The following PPM1H variants were observed in gnomAD, a reference collection of about 807,000 sequenced individuals.
PPM1H encodes protein phosphatase, Mg2+/Mn2+ dependent 1H.
A neutral mutation model predicts 54.9 loss-of-function variants in PPM1H; 27 were observed. The ratio of observed to expected loss-of-function variants is 0.49; its 90% CI spans 0.36 to 0.68. The LOEUF (loss-of-function observed/expected upper bound fraction) is 0.68. Ranked by LOEUF, PPM1H falls within the 30% of genes least tolerant of loss-of-function variation. PPM1H has a pLI of 0.00. For synonymous variants in PPM1H, 305 were observed against 270.8 expected (o/e 1.13, Z -1.24); for missense variants, 596 against 667.8 (o/e 0.89, Z 1.19).
At chr12:62,850,030 A>G (rs893835509) in intron 1 of PPM1H, among the ~76,000 whole-genome samples, 3 of 152,224 alleles carry the variant, frequency 2.0e-5, no homozygotes, top group African/African-American at 7.2e-5. Context: ...GTGTGTGATC[A>G]TGGCTCACTG....
intron 2 of PPM1H, among the ~76,000 whole-genome samples, chr12:62,814,255 T>C (rs1345979350): frequency 1.3e-5 from 2 of 152,126 alleles, no homozygotes; most frequent in Non-Finnish European, 2.9e-5. Flanking sequence ...ATTTTTTATT[T>C]TTATTTTTGT....
In PPM1H at chr12:62,830,534, C is replaced by T. The variant is rs543705588; in HGVS notation, c.411+1580G>A. On this transcript the variant is annotated intron_variant, in intron 2 of 9. Coordinates refer to ENST00000228705, the MANE Select transcript of PPM1H (RefSeq NM_020700.2). ...CCTCCCAAAGTGCTGGGATTACAGG[C>T]GTGAGCCACCGCACCCAGCCTGTTA... 1.6e-4 allele frequency among the ~76,000 whole-genome samples: 25 copies of T among 152,276 alleles called. No individual in the cohort carries two copies. In the East Asian group the frequency reaches 4.6e-3, roughly 28 times the overall value.
At chr12:62,650,703 C>T (rs543332324) in intron 9 of PPM1H, among the ~76,000 whole-genome samples, 1 of 152,156 alleles carries the variant, frequency 6.6e-6, no homozygotes, top group East Asian at 1.9e-4. Context: ...CGAGGCATGT[C>T]TTACATGGCA....
chr12:62,756,829 G>C (rs550557235), intron 4 of PPM1H, among the ~76,000 whole-genome samples: 59 of 152,248 alleles, frequency 3.9e-4, no homozygotes, highest in Middle Eastern at 3.4e-3. Flanking sequence ...GAGAGGGAAA[G>C]AGAAAGCAGG....
chr12:62,779,854 T>C (rs2076631287), intron 4 of PPM1H, among the ~76,000 whole-genome samples: 1 of 152,252 alleles, frequency 6.6e-6, no homozygotes, highest in African/African-American at 2.4e-5. Flanking sequence ...AAAAGTTATC[T>C]TTTCATGTGG....
chr12:62,853,345 A>G (rs1869264664), intron 1 of PPM1H, among the ~76,000 whole-genome samples: 1 of 152,232 alleles, frequency 6.6e-6, no homozygotes, highest in African/African-American at 2.4e-5. Flanking sequence ...CAACACTTCT[A>G]CATGTTTGAA....
chr12:62,917,475 T>A (rs1871660356), intron 1 of PPM1H, among the ~76,000 whole-genome samples: 1 of 152,214 alleles, frequency 6.6e-6, no homozygotes, highest in African/African-American at 2.4e-5. Flanking sequence ...CCTTACAAAT[T>A]ATAATTTGGC....
Position 62,934,428 on chromosome 12 carries a change from G to C in PPM1H, c.245+64C>G. 2 of 1,475,688 alleles carry C rather than the reference G, an allele frequency of 1.4e-6. No individual in the cohort carries two copies. The highest frequency in any genetic ancestry group is 1.8e-6 in the Non-Finnish European group (2 of 1,114,414). 91.4% of individuals were successfully genotyped at this position (1,475,688 alleles called of 1,614,324 possible). On this transcript the variant is annotated intron_variant, in intron 1 of 9. Coordinates refer to ENST00000228705, the MANE Select transcript of PPM1H (RefSeq NM_020700.2). This position sits in a 1 kb window ranked among gnomAD's most constrained non-coding sequence, Gnocchi z 4.2. ...GGCCGAGAAGCAGGGAGAGAAGAGG[G>C]CTGGAACCGTGCGGGGAAGGGCCGC...
chr12:62,726,135 T>C (rs2076288052), intron 5 of PPM1H, among the ~76,000 whole-genome samples: 1 of 152,204 alleles, frequency 6.6e-6, no homozygotes, highest in Admixed American at 6.5e-5. Flanking sequence ...TCAAACCCTA[T>C]GGAGTTAATG....
At chr12:62,805,364 C>T (rs953413662) in intron 2 of PPM1H, among the ~76,000 whole-genome samples, 1 of 152,090 alleles carries the variant, frequency 6.6e-6, no homozygotes, top group Admixed American at 6.5e-5. Context: ...GGTTATATAA[C>T]AAAAGGAAAT....
intron 1 of PPM1H, among the ~76,000 whole-genome samples, chr12:62,862,937 T>C (rs961040036): frequency 6.6e-6 from 1 of 152,216 alleles, no homozygotes; most frequent in Non-Finnish European, 1.5e-5. Flanking sequence ...GGTAGAATAA[T>C]ATCAAATAAC....
chr12:62,800,178 T>C (rs1293720620), intron 3 of PPM1H, among the ~76,000 whole-genome samples: 3 of 152,228 alleles, frequency 2.0e-5, no homozygotes, highest in Non-Finnish European at 4.4e-5. Flanking sequence ...TGACGATATG[T>C]ATAGTCATTA....
chr12:62,928,066 C>T lies in PPM1H; in HGVS notation c.245+6426G>A, dbSNP rs139778295. ...TTACTTTGAACAAATAACTTACCTA[C>T]GTTGCATTCATCTCATTAAATCCTT... is the stretch of plus-strand genomic sequence containing the variant. On this transcript the variant is annotated intron_variant, in intron 1 of 9. Transcript: ENST00000228705. 1.8e-3 allele frequency among the ~76,000 whole-genome samples: 267 copies of T among 152,310 alleles called. 1 individual carries two copies. The highest frequency in any genetic ancestry group is 5.8e-3 in the African/African-American group (241 of 41,568).
intron 4 of PPM1H, among the ~76,000 whole-genome samples, chr12:62,781,751 G>C (rs2076643891): frequency 6.6e-6 from 1 of 152,216 alleles, no homozygotes; most frequent in South Asian, 2.1e-4. Flanking sequence ...AGAGAGAGAA[G>C]GGCCTCTCGG....
At chr12:62,801,747 G>A in intron 3 of PPM1H, 69 bp downstream of exon 3, 1 of 1,541,086 alleles carries the variant, frequency 6.5e-7, no homozygotes, top group South Asian at 1.2e-5. Context: ...GAGCCCTCCA[G>A]GAAGGACGGA....
Position 62,934,198 on chromosome 12 carries a change from A to G in PPM1H, c.245+294T>C, listed in dbSNP as rs991019515. 1 of 370,078 alleles carries G rather than the reference A, an allele frequency of 2.7e-6. No individual in the cohort carries two copies. Among genetic ancestry groups the G allele is most frequent in the Non-Finnish European group, 4.8e-6 (1 of 207,516 alleles). The allele number at this position is 370,078 out of a possible 1,614,324, so 22.9% of individuals were successfully genotyped here. The stretch of plus-strand genomic sequence containing the variant: ...TGCCCGTTTTTTTTCCCCAAGTGAC[A>G]GAGACCCCGGATTCACAGACCTGTC... On this transcript the variant is annotated intron_variant, in intron 1 of 9. Transcript: ENST00000228705. This position sits in a 1 kb window ranked among gnomAD's most constrained non-coding sequence, Gnocchi z 4.2.
chr12:62,805,435 A>C (rs1420313652), intron 2 of PPM1H, among the ~76,000 whole-genome samples: 1 of 152,254 alleles, frequency 6.6e-6, no homozygotes, highest in African/African-American at 2.4e-5. Flanking sequence ...CAAGACACTG[A>C]AACAACCTTA....
chr12:62,821,543 A>G (rs2076903030), intron 2 of PPM1H, among the ~76,000 whole-genome samples: 2 of 152,242 alleles, frequency 1.3e-5, no homozygotes, highest in South Asian at 2.1e-4. Flanking sequence ...GTTACCTGCA[A>G]AGGGAAGCCC....
At chr12:62,929,766 G>T (rs1872077116) in intron 1 of PPM1H, among the ~76,000 whole-genome samples, 1 of 152,144 alleles carries the variant, frequency 6.6e-6, no homozygotes, top group Non-Finnish European at 1.5e-5. Context: ...GGAACGCTTA[G>T]CTGTCTGCTT....
Sources: gnomAD v4.1 joint callset for allele counts (sites outside exome capture counted in the v4.1 genomes callset) on GRCh38, gnomAD v4.1.1 for gene constraint, Gnocchi (gnomAD v3.1) non-coding constraint, MANE v1.5 for transcripts, NCBI Gene and HGNC (gene_info 2026-07-23, HGNC 2026-07-21) for gene names.